Variants in NRXN3 observed in about 807,000 individuals in gnomAD.
NRXN3 encodes the protein neurexin III.
Under a neutral mutation model 137.6 loss-of-function variants are expected in NRXN3, and 32 were observed. The ratio of observed to expected loss-of-function variants is 0.23; its 90% confidence interval spans 0.18 to 0.31. The LOEUF is 0.31. NRXN3 is among the 10% of genes least tolerant of loss of function. The pLI is 1.00. For missense variants in NRXN3, 1,574 were observed against 2,062.5 expected (o/e 0.76, Z 4.59); for synonymous variants, 798 against 784.5 (o/e 1.02, Z -0.29).
At chr14:79,569,603 G>GT (rs1491333943) in intron 16 of NRXN3, among the ~76,000 whole-genome samples, 4 of 82,068 alleles carry the variant, frequency 4.9e-5, no homozygotes, top group Non-Finnish European at 1.0e-4. Flanking sequence ...AATGAGCAAC[G>GT]TGTGTGTGTG....
chr14:79,499,624 A>T (rs2096799832), intron 16 of NRXN3, among the ~76,000 whole-genome samples: 1 of 152,226 alleles, frequency 6.6e-6, no homozygotes, highest in African/African-American at 2.4e-5. Context: ...TGCCTGGCTC[A>T]TAGTGAACCC....
At chr14:79,074,267 G>A (rs1274543735) in intron 15 of NRXN3, among the ~76,000 whole-genome samples, 3 of 152,122 alleles carry the variant, frequency 2.0e-5, no homozygotes, top group African/African-American at 2.4e-5. Context: ...TTTGCCCAAT[G>A]TATTTCAAAG....
rs2099414205 is a variant in NRXN3, at chr14:79,861,749, G to A, written c.4501G>A (p.Gly1501Ser). 1.2e-6 allele frequency: 2 copies of A among 1,614,046 alleles called. No individual in the cohort carries two copies. Among genetic ancestry groups the A allele is most frequent in the Non-Finnish European group, 1.7e-6 (2 of 1,180,014 alleles). The change falls in exon 21 of 21, where the codon GGC (glycine) becomes AGC (serine). Residue 1501 changes from glycine (G) to serine (S), a missense_variant. Transcript: ENST00000335750. The surrounding 1 kb of genome is among the most constrained non-coding windows in gnomAD (Gnocchi z 5.4). ...ESSSTTGMVV[G>S]IVAAAALCIL... ...GAGCAGCACAACAGGGATGGTCGTC[G>A]GCATTGTGGCTGCTGCCGCCCTCTG... is the stretch of plus-strand genomic sequence containing the variant.
In NRXN3 at chr14:78,981,470, A is replaced by G. The variant is rs140576462; in HGVS notation, c.3143-6552A>G. Among the ~76,000 whole-genome samples, 55 of 152,292 alleles carry G rather than the reference A, an allele frequency of 3.6e-4. No individual in the cohort carries two copies. In the East Asian group the frequency reaches 0.01, roughly 28 times the overall value. ...TATGGATTTTGGGGAAAATTATGCA[A>G]CTTTTCTGTGTCTCAGTTTACTTTT... On this transcript the variant is annotated intron_variant, in intron 14 of 20. Coordinates refer to ENST00000335750, the MANE Select transcript of NRXN3 (RefSeq NM_001330195.2).
At chr14:78,971,958 G>A (rs1434840303) in intron 14 of NRXN3, among the ~76,000 whole-genome samples, 1 of 152,100 alleles carries the variant, frequency 6.6e-6, no homozygotes, top group Non-Finnish European at 1.5e-5. Context: ...TCAAGTATGA[G>A]TAGCAAAAAA....
At chr14:78,560,276 T>C (rs1315378454) in intron 4 of NRXN3, among the ~76,000 whole-genome samples, 3 of 152,142 alleles carry the variant, frequency 2.0e-5, no homozygotes, top group Non-Finnish European at 4.4e-5. Flanking sequence ...ACTGGATTTT[T>C]CCCCCTAAAT....
At chr14:79,849,616 T>G (rs142972494) in intron 20 of NRXN3, among the ~76,000 whole-genome samples, 166 of 152,264 alleles carry the variant, frequency 1.1e-3, no homozygotes, top group African/African-American at 3.8e-3. Flanking sequence ...CATGTGTCGA[T>G]GAGAGTGTGG....
intron 16 of NRXN3, among the ~76,000 whole-genome samples, chr14:79,598,016 T>G (rs1272126251): frequency 6.6e-6 from 1 of 152,174 alleles, no homozygotes; most frequent in Admixed American, 6.5e-5. Flanking sequence ...CCAACCCCAG[T>G]GTAAACATTA....
intron 15 of NRXN3, among the ~76,000 whole-genome samples, chr14:79,418,920 A>G (rs150287360): frequency 6.6e-6 from 1 of 152,172 alleles, no homozygotes; most frequent in African/African-American, 2.4e-5. Flanking sequence ...GGAATGTGGG[A>G]CTCTAGGTTC....
At chr14:78,239,190 G>A (rs2066750074) in intron 1 of NRXN3, among the ~76,000 whole-genome samples, 1 of 152,260 alleles carries the variant, frequency 6.6e-6, no homozygotes, top group Admixed American at 6.5e-5. Flanking sequence ...AGGCCCTGTG[G>A]CAGACACCGT....
At chr14:79,105,888 C>A (rs1028343234) in intron 15 of NRXN3, among the ~76,000 whole-genome samples, 1 of 152,012 alleles carries the variant, frequency 6.6e-6, no homozygotes, top group Non-Finnish European at 1.5e-5. Context: ...TTTAGTCTAG[C>A]TTTTCTTTCT....
At chr14:78,599,238 G>A (rs1012804092) in intron 4 of NRXN3, among the ~76,000 whole-genome samples, 1 of 152,230 alleles carries the variant, frequency 6.6e-6, no homozygotes, top group African/African-American at 2.4e-5. Flanking sequence ...AGGGGAAATA[G>A]CACATTTCAT....
chr14:79,115,723 A>C (rs1194693952), intron 15 of NRXN3, among the ~76,000 whole-genome samples: 1 of 152,206 alleles, frequency 6.6e-6, no homozygotes, highest in Non-Finnish European at 1.5e-5. Flanking sequence ...TGCTTCGAGA[A>C]AGAAAGCATA....
At chr14:78,940,028 T>C (rs1279098263) in intron 10 of NRXN3, among the ~76,000 whole-genome samples, 3 of 152,210 alleles carry the variant, frequency 2.0e-5, no homozygotes, top group Non-Finnish European at 2.9e-5. Flanking sequence ...CTTTTTGATC[T>C]AGGAGATAAA....
chr14:78,926,957 AAT>A (rs1164627441), intron 10 of NRXN3, among the ~76,000 whole-genome samples: 7 of 38,496 alleles, frequency 1.8e-4, no homozygotes, highest in African/African-American at 2.1e-4. Context: ...TAATATATAT[AAT>A]ATATATATAA....
chr14:79,316,709 A>G (rs894088686), intron 15 of NRXN3, among the ~76,000 whole-genome samples: 2 of 145,646 alleles, frequency 1.4e-5, no homozygotes, highest in Admixed American at 1.4e-4. Context: ...GGACTTTATC[A>G]TCATGTAATC....
chr14:79,665,332 CAG>C (rs1356325272), intron 17 of NRXN3, among the ~76,000 whole-genome samples: 3 of 152,066 alleles, frequency 2.0e-5, no homozygotes, highest in Non-Finnish European at 4.4e-5. Context: ...CTAGGGGTCT[CAG>C]AATTTCTTAG....
At position 79,866,255 on chromosome 14, in the gene NRXN3, G is replaced by A. The variant is rs2099418040; in HGVS notation, c.*4291G>A. ...TATAGTTTAAGATCAGTTTGATAAT[G>A]TCTATTGAATATTTACTAAATGATT... On this transcript the variant is annotated 3_prime_UTR_variant, in exon 21 of 21. Transcript: ENST00000335750. 6.6e-6 allele frequency: 1 copy of A among 152,130 alleles called. No homozygotes were observed. The highest frequency in any genetic ancestry group is 1.5e-5 in the Non-Finnish European group (1 of 68,042). The allele number at this position is 152,130 out of a possible 1,614,324, so 9.4% of individuals were successfully genotyped here.
Position 79,204,373 on chromosome 14 carries a change from G to T in NRXN3, c.3262+216232G>T, listed in dbSNP as rs74067905. Reference sequence around the variant, plus strand: ...CCAACAAATGCCTCATATGGTAACAGTTACCAAGCAAAGTAAGGGATTTTA... The same window carrying T: ...CCAACAAATGCCTCATATGGTAACATTTACCAAGCAAAGTAAGGGATTTTA... On this transcript the variant is annotated intron_variant, in intron 15 of 20. Transcript: ENST00000335750. Among the ~76,000 whole-genome samples the T allele has an allele frequency of 2.8e-3, 430 of 151,604 alleles. 5 individuals are homozygous for T. The highest frequency in any genetic ancestry group is 9.9e-3 in the African/African-American group (407 of 41,310).
Sources: allele counts gnomAD v4.1 joint callset (sites outside exome capture counted in the v4.1 genomes callset), GRCh38; gene constraint gnomAD v4.1.1; non-coding constraint Gnocchi (gnomAD v3.1); transcripts MANE v1.5; gene names NCBI Gene and HGNC (gene_info 2026-07-23, HGNC 2026-07-21).